ZNF185: variants seen among roughly 807,000 people sequenced by gnomAD.
The protein encoded by ZNF185 is zinc finger protein 185 with LIM domain.
In ZNF185, 56 loss-of-function variants were observed where a neutral mutation model predicts 58.6. The ratio of observed to expected loss-of-function variants is 0.95; its 90% CI spans 0.77 to 1.19. ZNF185 has a LOEUF of 1.19. ZNF185 is among the 50% of genes most tolerant of loss of function. The pLI, the probability that ZNF185 is intolerant of heterozygous loss-of-function variation, is 0.00. For missense variants in ZNF185, 627 were observed against 573.5 expected, an observed-to-expected ratio of 1.09 and a Z score of -0.95; for synonymous variants, 230 against 215.9, an observed-to-expected ratio of 1.07 and a Z score of -0.57.
chrX:152,941,795 G>A (rs782232251), intron 15 of ZNF185: 3 of 1,162,259 alleles, frequency 2.6e-6, no homozygotes, highest in Non-Finnish European at 3.4e-6. Flanking sequence ...CGAGGATCAC[G>A]AATGGGCCCG....
At chrX:152,941,620 G>C in intron 15 of ZNF185, 1 of 1,131,114 alleles carries the variant, frequency 8.8e-7, no homozygotes, top group Non-Finnish European at 1.2e-6. Context: ...CGCGCCCGTA[G>C]TGAGTACGCC....
chrX:152,904,336 T>G, the ZNF185 span, among the ~76,000 whole-genome samples: 1 of 112,365 alleles, frequency 8.9e-6, no homozygotes, highest in African/African-American at 3.2e-5. Context: ...CCCCTGGATC[T>G]CAGCAACTCC....
At chrX:152,958,465 A>C (rs891911087) in intron 16 of ZNF185, among the ~76,000 whole-genome samples, 1 of 111,538 alleles carries the variant, frequency 9.0e-6, no homozygotes, top group Non-Finnish European at 1.9e-5. Flanking sequence ...TCTGTAAAAA[A>C]AAAGGGATGG....
chrX:152,908,958 C>T, the ZNF185 span, among the ~76,000 whole-genome samples: 1 of 113,254 alleles, frequency 8.8e-6, no homozygotes, highest in African/African-American at 3.2e-5. Context: ...GCAAGGGAAG[C>T]CAGTGTTGTT....
At position 152,961,450 on chromosome X, in the gene ZNF185, C is replaced by T. The variant is rs1374505395; in HGVS notation, c.1607+1554C>T. Among the ~76,000 whole-genome samples the T allele has an allele frequency of 2.7e-5, 3 of 112,043 alleles. No individual in the cohort carries two copies. The Admixed American group carries it at 2.8e-4, about 11-fold the overall frequency. ...GCCAGAGGTCCTTGCTTTATCACTG[C>T]CTGGAGCTGCAGTTGATGATGGTGA... On this transcript the variant is annotated intron_variant, in intron 17 of 22. Coordinates refer to ENST00000449285, the Ensembl canonical transcript of ZNF185.
chrX:152,967,945 A>C (rs1407404398), intron 20 of ZNF185, among the ~76,000 whole-genome samples: 3 of 111,373 alleles, frequency 2.7e-5, no homozygotes, highest in African/African-American at 9.8e-5. Context: ...GGCCCTGACT[A>C]CTCCCAGGTT....
chrX:152,918,003 T>G, intron 5 of ZNF185, 62 bp from the exon 7 acceptor site: 3 of 1,164,311 alleles, frequency 2.6e-6, no homozygotes, highest in Non-Finnish European at 3.4e-6. Flanking sequence ...CTGGGCTGTG[T>G]GGCCAAATCT....
At chrX:152,913,883 T>A (rs782244377), upstream of ZNF185, among the ~76,000 whole-genome samples, 2 of 111,607 alleles carry the variant, frequency 1.8e-5, no homozygotes, top group South Asian at 7.6e-4. Flanking sequence ...TTTTTAACTA[T>A]CATTTTACAA....
At chrX:152,921,760 G>A (rs1211205485) in intron 9 of ZNF185, among the ~76,000 whole-genome samples, 2 of 110,722 alleles carry the variant, frequency 1.8e-5, no homozygotes, top group Non-Finnish European at 3.8e-5. Flanking sequence ...GGTGTTCCTC[G>A]GCTTGTACCT....
At chrX:152,914,398 C>A, upstream of ZNF185, 1 of 852,596 alleles carries the variant, frequency 1.2e-6, no homozygotes. Flanking sequence ...ACCTGCAAGA[C>A]ACTACAAATG....
At chrX:152,929,721 G>A (rs1483998559) in intron 12 of ZNF185, among the ~76,000 whole-genome samples, 1 of 112,348 alleles carries the variant, frequency 8.9e-6, no homozygotes, top group Non-Finnish European at 1.9e-5. Context: ...TCCCATCCCT[G>A]GACTCCCTTC....
intron 16 of ZNF185, among the ~76,000 whole-genome samples, chrX:152,955,378 G>A (rs1438955524): frequency 8.9e-6 from 1 of 112,424 alleles, no homozygotes; most frequent in Non-Finnish European, 1.9e-5. Context: ...AGGACAGTGG[G>A]TTTTGTAAGG....
At chrX:152,964,948 A>G (rs1182822249) in intron 18 of ZNF185, among the ~76,000 whole-genome samples, 6 of 111,867 alleles carry the variant, frequency 5.4e-5, no homozygotes, top group African/African-American at 2.0e-4. Flanking sequence ...TCTGGACTCT[A>G]GGAGTGAGAA....
rs782033602 is a variant in ZNF185 at position 152,914,532 on chromosome X, T to C, written c.34+9T>C. The C allele has an allele frequency of 3.4e-6, 4 of 1,173,641 alleles. No individual in the cohort carries two copies. The African/African-American group carries it at 7.1e-5, about 21-fold the overall frequency. ...TGGAGGCCGCACCAAAGGTGAGGCC[T>C]GGGCTCCCTGGTTTCCCAGGCTCTG... On this transcript the variant is annotated intron_variant, in intron 1 of 22. Coordinates refer to ENST00000449285, the Ensembl canonical transcript of ZNF185.
chrX:152,939,098 T>G (rs1262206499), intron 15 of ZNF185, among the ~76,000 whole-genome samples: 1 of 112,006 alleles, frequency 8.9e-6, no homozygotes, highest in Non-Finnish European at 1.9e-5. Flanking sequence ...AGATTGGATC[T>G]TATTTCAAGT....
Position 152,963,943 on chromosome X carries a change from C to G in ZNF185, c.1712C>G (p.Ser571Cys), listed in dbSNP as rs374250368. ...CCCGCAAGTGAATTGGACTCCAGCTCTACCACGTAAGAAGGGCTATCTAGC... is the reference window on the plus strand; with the variant it reads ...CCCGCAAGTGAATTGGACTCCAGCTGTACCACGTAAGAAGGGCTATCTAGC... The change falls in exon 18 of 23, where the codon TCT becomes TGT. Residue 571 changes from serine to cysteine, a missense_variant. Coordinates refer to ENST00000449285, the Ensembl canonical transcript of ZNF185. The G allele has an allele frequency of 4.9e-5, 59 of 1,208,681 alleles. No homozygotes were observed. The highest frequency in any genetic ancestry group is 6.5e-5 in the Non-Finnish European group (58 of 893,741).
At position 152,918,171 on chromosome X, in the gene ZNF185, A is replaced by G. The variant is rs868961754; in HGVS notation, c.431+17A>G. On this transcript the variant is annotated intron_variant, in intron 6 of 22. Coordinates refer to ENST00000449285, the Ensembl canonical transcript of ZNF185. ...CAAGAAGCTGTGAGTATGCAACGCC[A>G]GGCTCAGCGTGGTTCCCTCCTCCAA... 8 of 1,178,767 alleles carry G rather than the reference A, an allele frequency of 6.8e-6. No individual in the cohort carries two copies. Among genetic ancestry groups the G allele is most frequent in the Non-Finnish European group, 8.0e-6 (7 of 878,706 alleles).
At chrX:152,965,307 A>T (rs1417372463) in intron 18 of ZNF185, 140 bp from the exon 21 acceptor site, 1 of 480,142 alleles carries the variant, frequency 2.1e-6, no homozygotes, top group Admixed American at 3.6e-5. Context: ...CAGTGCCTTT[A>T]TCCTGGGCCT....
At chrX:152,927,039 C>T (rs1940994207) in intron 11 of ZNF185, among the ~76,000 whole-genome samples, 1 of 112,448 alleles carries the variant, frequency 8.9e-6, no homozygotes, top group Non-Finnish European at 1.9e-5. Context: ...AGTCTGACAT[C>T]AGTCACTGGA....
Sources: gnomAD v4.1 joint callset for allele counts (sites outside exome capture counted in the v4.1 genomes callset) on GRCh38, gnomAD v4.1.1 for gene constraint, MANE v1.5 for transcripts, NCBI Gene and HGNC (gene_info 2026-07-23, HGNC 2026-07-21) for gene names.